Variants in PHF24 observed in about 807,000 individuals in gnomAD.
The protein encoded by PHF24 is PHD finger protein 24.
Under a neutral mutation model 42.6 loss-of-function variants are expected in PHF24, and 25 were observed. That is an observed-to-expected ratio of 0.59 (90% CI 0.43 to 0.82). PHF24 has a LOEUF of 0.82. PHF24 is among the 40% of genes least tolerant of loss of function. The probability of loss-of-function intolerance (pLI) is 0.00; values close to 1 mark genes in which losing one functional copy is unlikely to be tolerated. For synonymous variants in PHF24, 185 were observed against 204.8 expected (o/e 0.90, Z 0.83); for missense variants, 470 against 538.1 (o/e 0.87, Z 1.25).
the PHF24 span, among the ~76,000 whole-genome samples, chr9:34,823,202 CAAAAAAAAAAAAAAAA>C: frequency 2.6e-4 from 15 of 58,642 alleles, no homozygotes; most frequent in African/African-American, 1.0e-3. Flanking sequence ...GACTCCGTCT[CAAAAAAAAAAAAAAAA>C]AAAAAAAAAA....
chr9:34,833,352 C>T, the PHF24 span: 1 of 1,550,726 alleles, frequency 6.4e-7, no homozygotes, highest in South Asian at 1.2e-5. Flanking sequence ...CCCTGGGGTA[C>T]TGCTTTGGAA....
At chr9:34,940,380 T>C in the PHF24 span, among the ~76,000 whole-genome samples, 1 of 150,802 alleles carries the variant, frequency 6.6e-6, no homozygotes, top group South Asian at 2.1e-4. Context: ...GCTAGAATGC[T>C]CCTCTCAGGT....
At chr9:34,795,621 A>G in the PHF24 span, among the ~76,000 whole-genome samples, 5 of 152,228 alleles carry the variant, frequency 3.3e-5, no homozygotes, top group African/African-American at 9.6e-5. Flanking sequence ...ATGACAAAAC[A>G]ATTTTTAAAA....
the PHF24 span, among the ~76,000 whole-genome samples, chr9:34,683,988 G>A: frequency 6.8e-4 from 103 of 152,290 alleles, no homozygotes; most frequent in African/African-American, 2.4e-3. Flanking sequence ...GTACTGTACC[G>A]TATGCTCTGG....
chr9:34,690,110 G>T, the PHF24 span: 1 of 1,586,148 alleles, frequency 6.3e-7, no homozygotes, highest in South Asian at 1.1e-5. Flanking sequence ...GGATTTCCTT[G>T]AAGGGGTTGG....
chr9:34,712,613 T>C, the PHF24 span, among the ~76,000 whole-genome samples: 1 of 152,194 alleles, frequency 6.6e-6, no homozygotes. Context: ...AGTCCTTTTT[T>C]TCTTTTTACT....
chr9:34,942,558 G>A, the PHF24 span, among the ~76,000 whole-genome samples: 1 of 152,106 alleles, frequency 6.6e-6, no homozygotes, highest in South Asian at 2.1e-4. Flanking sequence ...TATGACAGAG[G>A]GCAGGGGCAT....
chr9:34,770,813 G>C, the PHF24 span, among the ~76,000 whole-genome samples: 1 of 149,890 alleles, frequency 6.7e-6, no homozygotes, highest in South Asian at 2.1e-4. Context: ...CTTGGAGAAA[G>C]ATTTTTAAAA....
the PHF24 span, chr9:34,709,196 C>T: frequency 1.5e-6 from 1 of 674,858 alleles, no homozygotes. Context: ...ACCTGGCCTG[C>T]TGTGGGCAGC....
chr9:34,711,910 C>T, the PHF24 span, among the ~76,000 whole-genome samples: 1 of 151,974 alleles, frequency 6.6e-6, no homozygotes, highest in African/African-American at 2.4e-5. Context: ...ATTTTTTGTC[C>T]TTTTGTTTCA....
At chr9:34,900,243 G>A in the PHF24 span, among the ~76,000 whole-genome samples, 2 of 151,508 alleles carry the variant, frequency 1.3e-5, no homozygotes, top group Non-Finnish European at 2.9e-5. Flanking sequence ...AGAGACCAAT[G>A]ACCAATATTG....
chr9:34,873,509 G>A, the PHF24 span, among the ~76,000 whole-genome samples: 4 of 151,482 alleles, frequency 2.6e-5, no homozygotes, highest in East Asian at 1.9e-4. Context: ...AAGATCAGAT[G>A]GTTGTAGATA....
the PHF24 span, among the ~76,000 whole-genome samples, chr9:34,940,764 GA>G: frequency 2.6e-5 from 4 of 152,172 alleles, no homozygotes; most frequent in African/African-American, 9.7e-5. Context: ...GAAGGCAAGG[GA>G]ATACCAGGAG....
chr9:34,805,787 C>T, the PHF24 span, among the ~76,000 whole-genome samples: 1 of 152,132 alleles, frequency 6.6e-6, no homozygotes, highest in African/African-American at 2.4e-5. Context: ...TCATTGCCAA[C>T]TCCAACATTA....
the PHF24 span, among the ~76,000 whole-genome samples, chr9:34,872,450 T>G: frequency 1.3e-5 from 2 of 149,510 alleles, no homozygotes; most frequent in Middle Eastern, 3.4e-3. Flanking sequence ...AGTGAGAATA[T>G]GCGGTGTCTG....
At chr9:34,677,265 C>T in the PHF24 span, among the ~76,000 whole-genome samples, 3 of 152,128 alleles carry the variant, frequency 2.0e-5, no homozygotes, top group African/African-American at 7.2e-5. Context: ...CTTCTCTATT[C>T]CAACTGCCAC....
the PHF24 span, among the ~76,000 whole-genome samples, chr9:34,899,889 T>C: frequency 6.6e-6 from 1 of 152,186 alleles, no homozygotes; most frequent in East Asian, 1.9e-4. Flanking sequence ...AATATAGATT[T>C]TCTGGTTTCA....
At chr9:34,745,135 A>G in the PHF24 span, among the ~76,000 whole-genome samples, 1 of 152,242 alleles carries the variant, frequency 6.6e-6, no homozygotes, top group Non-Finnish European at 1.5e-5. Flanking sequence ...GCCAGCTGGC[A>G]GACTATCCTC....
the PHF24 span, among the ~76,000 whole-genome samples, chr9:34,851,219 G>C: frequency 2.0e-5 from 3 of 152,188 alleles, no homozygotes; most frequent in Non-Finnish European, 4.4e-5. Context: ...GCCTGCAGAG[G>C]CATGCAGGCT....
Sources: allele counts gnomAD v4.1 joint callset (sites outside exome capture counted in the v4.1 genomes callset), GRCh38; gene constraint gnomAD v4.1.1; transcripts MANE v1.5; gene names NCBI Gene and HGNC (gene_info 2026-07-23, HGNC 2026-07-21).